Variants in HPSE2 observed in about 807,000 individuals in gnomAD.
HPSE2 encodes the protein inactive heparanase-2.
In HPSE2, 38 loss-of-function variants were observed where a neutral mutation model predicts 60.5. The ratio of observed to expected loss-of-function variants is 0.63; its 90% CI spans 0.48 to 0.82. The LOEUF (loss-of-function observed/expected upper bound fraction) is 0.82. Ranked by LOEUF, HPSE2 falls within the 40% of genes least tolerant of loss-of-function variation. HPSE2 has a pLI of 0.00. For synonymous variants in HPSE2, 295 were observed against 293.2 expected (o/e 1.01, Z -0.06); for missense variants, 713 against 740.4 (o/e 0.96, Z 0.43).
In HPSE2 at chr10:99,122,333, C is replaced by A. The variant is rs1178402464; in HGVS notation, c.610+21905G>T. The stretch of plus-strand genomic sequence containing the variant: ...GCAGCTATCACCACTATTTTTCAAT[C>A]TTCTTTTGGGGATTTTGATAAATTA... On this transcript the variant is annotated intron_variant, in intron 3 of 11. Coordinates refer to ENST00000370552, the MANE Select transcript of HPSE2 (RefSeq NM_021828.5). Among the ~76,000 whole-genome samples, 124 of 152,012 alleles carry A rather than the reference C, an allele frequency of 8.2e-4. 1 individual carries two copies. Among genetic ancestry groups the A allele is most frequent in the Non-Finnish European group, 5.9e-5 (4 of 67,866 alleles).
At chr10:98,572,407 T>G (rs1237233828) in intron 9 of HPSE2, among the ~76,000 whole-genome samples, 1 of 152,226 alleles carries the variant, frequency 6.6e-6, no homozygotes, top group African/African-American at 2.4e-5. Flanking sequence ...TGTGAACATA[T>G]AACCATATCT....
chr10:98,518,889 T>C (rs1942693199), intron 9 of HPSE2, among the ~76,000 whole-genome samples: 1 of 152,150 alleles, frequency 6.6e-6, no homozygotes, highest in Non-Finnish European at 1.5e-5. Flanking sequence ...TGAGCACATC[T>C]GAATATATTC....
the HPSE2 span, among the ~76,000 whole-genome samples, chr10:99,282,809 T>C: frequency 1.3e-5 from 2 of 151,710 alleles, no homozygotes; most frequent in African/African-American, 4.8e-5. Flanking sequence ...CTGCGACAAA[T>C]AAAAATGAAA....
intron 6 of HPSE2, among the ~76,000 whole-genome samples, chr10:98,664,532 T>C (rs1947309986): frequency 6.6e-6 from 1 of 152,130 alleles, no homozygotes; most frequent in East Asian, 1.9e-4. Flanking sequence ...GGAATGGACC[T>C]GGTAAAGGGA....
chr10:98,532,802 C>T (rs1206493816), intron 9 of HPSE2, among the ~76,000 whole-genome samples: 1 of 152,142 alleles, frequency 6.6e-6, no homozygotes, highest in Non-Finnish European at 1.5e-5. Flanking sequence ...AATAGCTTCT[C>T]TCTCTCTCTG....
At chr10:99,143,224 A>G (rs1455162056) in intron 3 of HPSE2, among the ~76,000 whole-genome samples, 1 of 152,182 alleles carries the variant, frequency 6.6e-6, no homozygotes, top group Non-Finnish European at 1.5e-5. Context: ...TCTGGCTTTC[A>G]TCTCATGCTG....
At chr10:99,288,642 T>C in the HPSE2 span, among the ~76,000 whole-genome samples, 2 of 146,396 alleles carry the variant, frequency 1.4e-5, no homozygotes, top group Non-Finnish European at 3.0e-5. Flanking sequence ...CCCAAGGTAA[T>C]GGTGAAGGGG....
chr10:99,007,292 G>C (rs541528271), intron 3 of HPSE2, among the ~76,000 whole-genome samples: 2 of 152,246 alleles, frequency 1.3e-5, no homozygotes, highest in African/African-American at 4.8e-5. Flanking sequence ...GGGTTTTACT[G>C]GGATAGGGCT....
intron 9 of HPSE2, among the ~76,000 whole-genome samples, chr10:98,515,374 A>G (rs1271357926): frequency 6.6e-6 from 1 of 152,174 alleles, no homozygotes; most frequent in Non-Finnish European, 1.5e-5. Flanking sequence ...TCATTATAGC[A>G]TTATTTTTAA....
chr10:98,853,888 T>A (rs1229542381), intron 3 of HPSE2, among the ~76,000 whole-genome samples: 1 of 152,208 alleles, frequency 6.6e-6, no homozygotes, highest in Non-Finnish European at 1.5e-5. Context: ...GAAATTGTTT[T>A]GTAAACTGTA....
chr10:98,766,994 A>G (rs1390420012), intron 3 of HPSE2, among the ~76,000 whole-genome samples: 1 of 152,200 alleles, frequency 6.6e-6, no homozygotes, highest in Non-Finnish European at 1.5e-5. Context: ...TTAACAGACT[A>G]CATAAGAAAC....
At chr10:99,232,527 G>A (rs555931795) in intron 1 of HPSE2, 22 bp from the exon 2 acceptor site, 1 of 1,550,306 alleles carries the variant, frequency 6.5e-7, no homozygotes, top group Admixed American at 2.0e-5. Context: ...GAGAATAAGA[G>A]AGGAAAGGTT....
chr10:99,183,107 TACAG>T (rs1345349668), intron 2 of HPSE2, among the ~76,000 whole-genome samples: 5 of 152,126 alleles, frequency 3.3e-5, no homozygotes, highest in Non-Finnish European at 5.9e-5. Flanking sequence ...CCTCAATGCC[TACAG>T]ACAGTTTTCA....
intron 3 of HPSE2, among the ~76,000 whole-genome samples, chr10:99,059,221 T>C (rs746943456): frequency 5.9e-5 from 9 of 152,200 alleles, no homozygotes; most frequent in Non-Finnish European, 7.3e-5. Context: ...AAGACCATTA[T>C]ACAAGTTTCA....
At chr10:98,634,492 A>G (rs530552173) in intron 7 of HPSE2, among the ~76,000 whole-genome samples, 4 of 151,728 alleles carry the variant, frequency 2.6e-5, no homozygotes, top group Admixed American at 2.6e-4. Flanking sequence ...GCCTCGAGTT[A>G]TTCTATGGTG....
chr10:98,542,774 G>A (rs2133828323), intron 9 of HPSE2, among the ~76,000 whole-genome samples: 1 of 152,060 alleles, frequency 6.6e-6, no homozygotes, highest in Non-Finnish European at 1.5e-5. Context: ...GGGAAGTTTA[G>A]AGAAAAAAGA....
intron 9 of HPSE2, among the ~76,000 whole-genome samples, chr10:98,549,332 A>T (rs1295326633): frequency 2.0e-5 from 3 of 151,792 alleles, no homozygotes; most frequent in Non-Finnish European, 4.4e-5. Flanking sequence ...CCATAAAACT[A>T]CAAAATAACT....
chr10:98,734,229 C>T (rs936383769), intron 4 of HPSE2, among the ~76,000 whole-genome samples: 9 of 152,066 alleles, frequency 5.9e-5, no homozygotes, highest in African/African-American at 2.2e-4. Context: ...GTATTTGTCA[C>T]GTTTCATTTA....
At chr10:98,711,788 T>G (rs1948681673) in intron 5 of HPSE2, among the ~76,000 whole-genome samples, 1 of 152,162 alleles carries the variant, frequency 6.6e-6, no homozygotes, top group South Asian at 2.1e-4. Flanking sequence ...TAATAAAACT[T>G]GCTTTGCCTA....
Sources: gnomAD v4.1 joint callset for allele counts (sites outside exome capture counted in the v4.1 genomes callset) on GRCh38, gnomAD v4.1.1 for gene constraint, MANE v1.5 for transcripts, NCBI Gene and HGNC (gene_info 2026-07-23, HGNC 2026-07-21) for gene names.